Variants in SMYD3 observed in about 807,000 individuals in gnomAD.
The protein encoded by SMYD3 is SET and MYND domain containing 3.
Under a neutral mutation model 57.7 loss-of-function variants are expected in SMYD3, and 36 were observed. The observed-to-expected ratio is 0.62, with a 90% CI of 0.48 to 0.82. SMYD3 has a LOEUF of 0.82. SMYD3 is among the 40% of genes least tolerant of loss of function. SMYD3 has a pLI of 0.00. For missense variants in SMYD3, 515 were observed against 538.8 expected (o/e 0.96, Z 0.44); for synonymous variants, 211 against 195.0 (o/e 1.08, Z -0.68).
chr1:246,432,746 G>T (rs1247328854), intron 1 of SMYD3, among the ~76,000 whole-genome samples: 1 of 152,138 alleles, frequency 6.6e-6, no homozygotes, highest in Non-Finnish European at 1.5e-5. Flanking sequence ...CAGTGATCTT[G>T]CTGTATACTT....
chr1:245,773,723 A>T (rs1171351317), intron 10 of SMYD3, among the ~76,000 whole-genome samples: 1 of 152,236 alleles, frequency 6.6e-6, no homozygotes, highest in Non-Finnish European at 1.5e-5. Flanking sequence ...GCTGGCTAGC[A>T]CAACTGAAGT....
At position 246,459,918 on chromosome 1, in the gene SMYD3, C is replaced by CAAAAAAAAAAAAAAAAAAAA. The variant is rs35958617; in HGVS notation, c.164+47116_164+47135dup. ...CTGCAGAGGAAACCATTCCGCCACC[C>CAAAAAAAAAAAAAAAAAAAA]AAAAAAAAAAAAAAAAAAAAAGCCA... On this transcript the variant is annotated intron_variant, in intron 1 of 11. Coordinates refer to ENST00000490107, the MANE Select transcript of SMYD3 (RefSeq NM_001167740.2). 2.2e-5 allele frequency among the ~76,000 whole-genome samples: 2 copies of CAAAAAAAAAAAAAAAAAAAA among 88,934 alleles called. 1 individual carries two copies. The highest frequency in any genetic ancestry group is 8.2e-5 in the African/African-American group (2 of 24,354). 58.3% of individuals were successfully genotyped at this position (88,934 alleles called of 152,430 possible).
At chr1:245,954,060 GA>G (rs1327523051) in intron 5 of SMYD3, among the ~76,000 whole-genome samples, 3 of 152,152 alleles carry the variant, frequency 2.0e-5, no homozygotes, top group African/African-American at 7.2e-5. Flanking sequence ...AAACTAACAC[GA>G]AGTGTATCAG....
intron 1 of SMYD3, among the ~76,000 whole-genome samples, chr1:246,414,576 T>C (rs2067027221): frequency 6.6e-6 from 1 of 152,042 alleles, no homozygotes. Context: ...ATATTTTAAC[T>C]GCATACTATA....
intron 5 of SMYD3, among the ~76,000 whole-genome samples, chr1:246,168,619 G>T: frequency 6.6e-6 from 1 of 152,104 alleles, no homozygotes; most frequent in Middle Eastern, 3.4e-3. Flanking sequence ...CTTTATAATT[G>T]TTATTTCTTT....
intron 5 of SMYD3, among the ~76,000 whole-genome samples, chr1:246,313,586 T>C (rs553197459): frequency 1.3e-5 from 2 of 152,326 alleles, no homozygotes; most frequent in South Asian, 4.1e-4. Context: ...GAAAACCAAA[T>C]GTCAATCAAA....
chr1:245,804,670 C>T (rs2048052684), intron 10 of SMYD3, among the ~76,000 whole-genome samples: 1 of 152,196 alleles, frequency 6.6e-6, no homozygotes, highest in Non-Finnish European at 1.5e-5. Context: ...GAATTAGTAC[C>T]TTATAAAAGA....
chr1:246,499,691 T>C (rs1428965179), intron 1 of SMYD3, among the ~76,000 whole-genome samples: 1 of 152,074 alleles, frequency 6.6e-6, no homozygotes, highest in Non-Finnish European at 1.5e-5. Flanking sequence ...CCTGGGCTCA[T>C]GTGATCTGCC....
intron 1 of SMYD3, among the ~76,000 whole-genome samples, chr1:246,495,158 G>A (rs2068338261): frequency 6.6e-6 from 1 of 151,828 alleles, no homozygotes; most frequent in Admixed American, 6.6e-5. Context: ...GACCATCCTG[G>A]CTAACACGGT....
intron 5 of SMYD3, among the ~76,000 whole-genome samples, chr1:245,993,619 TAGATAGATAGATAGACAGACAGAC>T (rs1208897327): frequency 3.6e-5 from 3 of 82,440 alleles, no homozygotes; most frequent in African/African-American, 1.1e-4. Context: ...GATAGATAGA[TAGATAGATAGATAGACAGACAGAC>T]AGACAGACAG....
chr1:245,967,948 G>C (rs537059100), intron 5 of SMYD3, among the ~76,000 whole-genome samples: 1 of 152,164 alleles, frequency 6.6e-6, no homozygotes, highest in African/African-American at 2.4e-5. Context: ...CATCCACTTT[G>C]TGGCTTAAGG....
chr1:246,064,441 G>T (rs1160434511), intron 5 of SMYD3, among the ~76,000 whole-genome samples: 2 of 152,144 alleles, frequency 1.3e-5, no homozygotes, highest in Non-Finnish European at 2.9e-5. Flanking sequence ...CCTCTACCTA[G>T]AATGCATTTC....
chr1:246,452,443 T>C (rs1218275677), intron 1 of SMYD3, among the ~76,000 whole-genome samples: 1 of 152,066 alleles, frequency 6.6e-6, no homozygotes, highest in African/African-American at 2.4e-5. Context: ...GAGGTGGAAG[T>C]TGCAGTGGAC....
intron 10 of SMYD3, among the ~76,000 whole-genome samples, chr1:245,775,047 G>A (rs3000195): frequency 1.3e-5 from 2 of 151,454 alleles, no homozygotes; most frequent in East Asian, 2.0e-4. Context: ...GATCTCGGCT[G>A]GCTACAACCT....
chr1:245,895,822 G>A (rs1558469224), intron 8 of SMYD3, among the ~76,000 whole-genome samples: 1 of 152,226 alleles, frequency 6.6e-6, no homozygotes, highest in Non-Finnish European at 1.5e-5. Flanking sequence ...TCAGGGCTGT[G>A]TAACTCATAG....
intron 5 of SMYD3, among the ~76,000 whole-genome samples, chr1:246,247,517 T>TATATATATAC (rs1246849132): frequency 1.3e-5 from 2 of 149,636 alleles, no homozygotes; most frequent in Middle Eastern, 3.5e-3. Flanking sequence ...TATATATATA[T>TATATATATAC]ACACACGAGT....
chr1:245,926,301 GAC>G (rs914183814), intron 7 of SMYD3, among the ~76,000 whole-genome samples: 1 of 152,348 alleles, frequency 6.6e-6, no homozygotes, highest in Non-Finnish European at 1.5e-5. Context: ...AAGACAAAGA[GAC>G]ACAGTGGACA....
At chr1:246,438,967 C>T (rs538755020) in intron 1 of SMYD3, among the ~76,000 whole-genome samples, 4 of 152,118 alleles carry the variant, frequency 2.6e-5, no homozygotes, top group East Asian at 1.9e-4. Flanking sequence ...CCCTACTGTG[C>T]GGCCTGGTTC....
chr1:245,791,528 G>C (rs773084446), intron 10 of SMYD3, among the ~76,000 whole-genome samples: 3 of 150,724 alleles, frequency 2.0e-5, no homozygotes, highest in Non-Finnish European at 4.4e-5. Context: ...TGTGGAGCAC[G>C]GGTCAGCCAG....
Sources: allele counts gnomAD v4.1 joint callset (sites outside exome capture counted in the v4.1 genomes callset), GRCh38; gene constraint gnomAD v4.1.1; transcripts MANE v1.5; gene names NCBI Gene and HGNC (gene_info 2026-07-23, HGNC 2026-07-21).